The following NBPF12 variants were observed in gnomAD, a reference collection of about 807,000 sequenced individuals.
NBPF12 encodes the protein NBPF family member NBPF12.
In NBPF12, 115 loss-of-function variants were observed where a neutral mutation model predicts 146.4. The observed-to-expected ratio is 0.79, with a 90% CI of 0.68 to 0.92. The LOEUF (loss-of-function observed/expected upper bound fraction) is 0.92. Among genes scored for constraint, NBPF12 ranks in the 40% least tolerant of loss-of-function variants. The probability of loss-of-function intolerance (pLI) is 0.00; values close to 1 mark genes in which losing one functional copy is unlikely to be tolerated. For missense variants in NBPF12, 1,205 were observed against 1,326.8 expected, an observed-to-expected ratio of 0.91 and a Z score of 1.43; for synonymous variants, 385 against 508.9, an observed-to-expected ratio of 0.76 and a Z score of 3.28.
chr1:146,962,571 C>T (rs1570840558), intron 5 of NBPF12, among the ~76,000 whole-genome samples: 1 of 151,822 alleles, frequency 6.6e-6, no homozygotes, highest in Admixed American at 6.6e-5. Context: ...AAATGGTGTG[C>T]TATTGCCACC....
chr1:146,940,656 G>A (rs1348264566), intron 1 of NBPF12, among the ~76,000 whole-genome samples: 4 of 151,886 alleles, frequency 2.6e-5, no homozygotes, highest in African/African-American at 9.7e-5. Context: ...TGTAGAAGTG[G>A]CATTGTTGGT....
Position 146,940,916 on chromosome 1 carries a change from T to C in NBPF12, c.-822+1934T>C, listed in dbSNP as rs1169129634. On this transcript the variant is annotated intron_variant, in intron 1 of 35. Coordinates refer to the NBPF12 transcript ENST00000617931. ...TATGTCCTCTTTCATGAAGTGCCTG[T>C]TAAATCTTTTTATCCAGTTTTCATT... Among the ~76,000 whole-genome samples the C allele has an allele frequency of 4.4e-3, 667 of 152,204 alleles. 4 individuals are homozygous for C. The highest frequency in any genetic ancestry group is 7.1e-3 in the Non-Finnish European group (480 of 68,036).
chr1:146,943,810 C>T (rs1176430579), intron 2 of NBPF12, among the ~76,000 whole-genome samples: 1 of 151,548 alleles, frequency 6.6e-6, no homozygotes. Context: ...CTCTTCAGGA[C>T]TTTTCCTTGG....
chr1:146,966,674 G>A lies in NBPF12; in HGVS notation c.988+1G>A. On this transcript the variant is annotated splice_donor_variant, in intron 9 of 33. Transcript: ENST00000617844. LOFTEE classifies it high-confidence loss of function. ...CTGGCCAAGCAGCAGAACAAATACA[G>A]TAAGATCTACAGGCTCACCATCACG... is the stretch of plus-strand genomic sequence containing the variant. 1 of 1,327,908 alleles carries A rather than the reference G, an allele frequency of 7.5e-7. No homozygotes were observed. Among genetic ancestry groups the A allele is most frequent in the Non-Finnish European group, 1.1e-6 (1 of 921,472 alleles). The allele number at this position is 1,327,908 out of a possible 1,614,324, so 82.3% of individuals were successfully genotyped here.
intron 31 of NBPF12, among the ~76,000 whole-genome samples, chr1:146,992,360 G>T (rs1658222174): frequency 7.2e-6 from 1 of 139,488 alleles, no homozygotes; most frequent in African/African-American, 2.7e-5. Flanking sequence ...TATGCTGTGT[G>T]TCCTGAGGGC....
chr1:146,968,303 G>A (rs1656337282), intron 9 of NBPF12, 145 bp from the exon 13 acceptor site: 2 of 712,850 alleles, frequency 2.8e-6, no homozygotes, highest in Admixed American at 2.2e-5. Flanking sequence ...GGAGACTGAA[G>A]AGTAAAGACG....
intron 9 of NBPF12, among the ~76,000 whole-genome samples, chr1:146,967,566 C>A (rs1213974040): frequency 6.7e-6 from 1 of 149,684 alleles, no homozygotes; most frequent in Non-Finnish European, 1.5e-5. Flanking sequence ...GAGTGAAGTC[C>A]TGCTTCCTGG....
intron 33 of NBPF12, 101 bp from the exon 37 acceptor site, chr1:146,994,231 T>C (rs1215160244): frequency 3.1e-6 from 5 of 1,607,838 alleles, no homozygotes; most frequent in Non-Finnish European, 4.2e-6. Context: ...TCTGTCCTTT[T>C]TCTTTTCTAA....
At chr1:146,954,916 T>G (rs1331315032) in intron 2 of NBPF12, among the ~76,000 whole-genome samples, 3 of 133,230 alleles carry the variant, frequency 2.3e-5, no homozygotes, top group Non-Finnish European at 1.6e-5. Flanking sequence ...TGTGTGTGTG[T>G]GTGTGTATAT....
chr1:146,972,655 T>G, intron 13 of NBPF12, 96 bp from the exon 17 acceptor site: 1 of 1,049,290 alleles, frequency 9.5e-7, no homozygotes, highest in South Asian at 1.3e-5. Context: ...TTCAAATAAG[T>G]AGACAAGGCT....
intron 10 of NBPF12, among the ~76,000 whole-genome samples, chr1:146,968,796 A>G (rs1656372336): frequency 6.6e-6 from 1 of 151,534 alleles, no homozygotes; most frequent in African/African-American, 2.4e-5. Context: ...TGAAATTTAC[A>G]TAACACAAAA....
chr1:146,954,869 A>G (rs1192281162), intron 2 of NBPF12, among the ~76,000 whole-genome samples: 1 of 137,900 alleles, frequency 7.3e-6, no homozygotes, highest in East Asian at 2.1e-4. Context: ...ACATATATAT[A>G]TGTATACACA....
upstream of NBPF12, among the ~76,000 whole-genome samples, chr1:146,948,402 A>G (rs1409849291): frequency 6.6e-6 from 1 of 151,790 alleles, no homozygotes; most frequent in Non-Finnish European, 1.5e-5. Flanking sequence ...TGTACTAAGA[A>G]AAATTCTTTT....
intron 13 of NBPF12, among the ~76,000 whole-genome samples, chr1:146,971,619 TC>T (rs1331218921): frequency 4.5e-4 from 66 of 147,472 alleles, no homozygotes; most frequent in Admixed American, 7.4e-4. Context: ...GTGAAACCCA[TC>T]TTTACGAAGA....
chr1:146,957,731 G>T (rs1205093537), intron 2 of NBPF12: 1 of 133,900 alleles, frequency 7.5e-6, no homozygotes, highest in Non-Finnish European at 1.6e-5. Flanking sequence ...CGCCTGGGCT[G>T]GCAGGTGGGG....
exon 34 of NBPF12, chr1:146,994,364 C>T: frequency 1.9e-6 from 3 of 1,612,170 alleles, no homozygotes; most frequent in African/African-American, 1.3e-5. Context: ...GTGGAAGAGC[C>T]TGAAGTCTTG....
intron 18 of NBPF12, among the ~76,000 whole-genome samples, chr1:146,978,595 C>T (rs1657196852): frequency 6.6e-6 from 1 of 151,874 alleles, no homozygotes; most frequent in Admixed American, 6.6e-5. Flanking sequence ...GTATAGATGC[C>T]TCTAAACATT....
Position 146,965,156 on chromosome 1 carries a change from C to G in NBPF12, c.778+52C>G. On this transcript the variant is annotated intron_variant, in intron 8 of 33. Coordinates refer to ENST00000617844, the Ensembl canonical transcript of NBPF12. ...TACCTCTGTCTAGGCTATGGAAGAT[C>G]AATTCTGAGGACAGGCTGTATATAC... The G allele has an allele frequency of 2.9e-6, 3 of 1,047,050 alleles. No individual in the cohort carries two copies. In the Admixed American group the frequency reaches 5.1e-5, roughly 18 times the overall value. 64.9% of individuals were successfully genotyped at this position (1,047,050 alleles called of 1,614,324 possible).
intron 14 of NBPF12, 108 bp downstream of exon 17, chr1:146,973,068 T>G: frequency 1.5e-6 from 1 of 669,138 alleles, no homozygotes; most frequent in South Asian, 1.7e-5. Context: ...TCCCCATACT[T>G]CTAGGAAAAC....
Sources: allele counts gnomAD v4.1 joint callset (sites outside exome capture counted in the v4.1 genomes callset), GRCh38; gene constraint gnomAD v4.1.1; transcripts MANE v1.5; gene names NCBI Gene and HGNC (gene_info 2026-07-23, HGNC 2026-07-21).